The following MAP2K6 variants were observed in gnomAD, a reference collection of about 807,000 sequenced individuals.
MAP2K6 encodes the protein dual specificity mitogen-activated protein kinase kinase 6.
In MAP2K6, 16 loss-of-function variants were observed where a neutral mutation model predicts 53.7. That is an observed-to-expected ratio of 0.30 (90% confidence interval 0.20 to 0.45). The LOEUF is 0.45. MAP2K6 is among the 20% of genes least tolerant of loss of function. The pLI is 1.00. For missense variants in MAP2K6, 204 were observed against 411.9 expected (o/e 0.50, Z 4.37); for synonymous variants, 132 against 143.1 (o/e 0.92, Z 0.55).
intron 2 of MAP2K6, 73 bp from the exon 3 acceptor site, chr17:69,516,782 T>G (rs1159205107): frequency 9.4e-7 from 1 of 1,066,280 alleles, no homozygotes; most frequent in African/African-American, 1.9e-5. Context: ...ATATCCTCAG[T>G]GGTGTGTGAT....
chr17:69,509,753 T>C (rs1426219162), intron 2 of MAP2K6, among the ~76,000 whole-genome samples: 3 of 152,136 alleles, frequency 2.0e-5, no homozygotes, highest in Non-Finnish European at 4.4e-5. Context: ...TGAAGCGAAC[T>C]GTAGGTTTTT....
chr17:69,531,099 T>C (rs181890263), intron 10 of MAP2K6, among the ~76,000 whole-genome samples: 97 of 152,214 alleles, frequency 6.4e-4, no homozygotes, highest in African/African-American at 2.2e-3. Context: ...ATTTTTATTA[T>C]GTAGGCTATG....
chr17:69,491,845 C>T (rs111645175), intron 1 of MAP2K6, among the ~76,000 whole-genome samples: 5,425 of 149,998 alleles, frequency 0.036, 325 homozygotes, highest in East Asian at 0.14. Context: ...GATGTTATTT[C>T]ACCGTGGTTT....
At chr17:69,486,854 T>C (rs1908558624) in intron 1 of MAP2K6, among the ~76,000 whole-genome samples, 1 of 152,202 alleles carries the variant, frequency 6.6e-6, no homozygotes, top group Non-Finnish European at 1.5e-5. Flanking sequence ...GCTGGTGTGG[T>C]ACCCTTCTCA....
chr17:69,469,545 C>T (rs144379614), intron 1 of MAP2K6, among the ~76,000 whole-genome samples: 1,531 of 152,156 alleles, frequency 0.01, 14 homozygotes, highest in Middle Eastern at 0.017. Context: ...GGGCGGATCA[C>T]GAGATCAGGA....
At position 69,449,503 on chromosome 17, in the gene MAP2K6, T is replaced by TTCTTTCTTTCTTTG. The variant is rs1168249387; in HGVS notation, c.16+34531_16+34544dup. ...GTGTTGGTTGTCCTTTCTTTCTTTT[T>TTCTTTCTTTCTTTG]TCTTTCTTTCTTTGTCTTTCTTTCT... is the stretch of plus-strand genomic sequence containing the variant. On this transcript the variant is annotated intron_variant, in intron 1 of 11. Coordinates refer to ENST00000590474, the MANE Select transcript of MAP2K6 (RefSeq NM_002758.4). Among the ~76,000 whole-genome samples, 21 of 136,530 alleles carry TTCTTTCTTTCTTTG rather than the reference T, an allele frequency of 1.5e-4. No individual in the cohort carries two copies. In the South Asian group the frequency reaches 4.3e-3, roughly 28 times the overall value. The allele number at this position is 136,530 out of a possible 152,430, so 89.6% of individuals were successfully genotyped here.
At chr17:69,508,500 T>G (rs942246914) in intron 2 of MAP2K6, among the ~76,000 whole-genome samples, 6 of 152,228 alleles carry the variant, frequency 3.9e-5, no homozygotes, top group African/African-American at 1.2e-4. Flanking sequence ...ATTAGATACT[T>G]TTTATTGTTT....
intron 1 of MAP2K6, among the ~76,000 whole-genome samples, chr17:69,450,770 TATAA>T (rs1040630666): frequency 3.9e-5 from 6 of 151,928 alleles, no homozygotes; most frequent in Non-Finnish European, 5.9e-5. Context: ...TTACTAAAAA[TATAA>T]ATAAGACCCT....
intron 1 of MAP2K6, among the ~76,000 whole-genome samples, chr17:69,484,036 G>C (rs933020988): frequency 3.3e-5 from 5 of 151,970 alleles, no homozygotes; most frequent in Admixed American, 3.3e-4. Context: ...ATTTGTCAAC[G>C]ATTTCTTAGA....
At chr17:69,420,736 A>AT (rs1906051315) in intron 1 of MAP2K6, among the ~76,000 whole-genome samples, 3 of 104,786 alleles carry the variant, frequency 2.9e-5, no homozygotes, top group African/African-American at 4.5e-5. Context: ...ACATTTATAA[A>AT]ATTTTTTTTT....
intron 2 of MAP2K6, among the ~76,000 whole-genome samples, chr17:69,515,922 CAT>C (rs777707695): frequency 1.3e-5 from 2 of 152,120 alleles, no homozygotes; most frequent in Admixed American, 6.5e-5. Context: ...AATTGTGAGA[CAT>C]GTGGTGAAAT....
At chr17:69,537,268 T>C (rs980860090) in intron 11 of MAP2K6, among the ~76,000 whole-genome samples, 1 of 152,236 alleles carries the variant, frequency 6.6e-6, no homozygotes, top group Non-Finnish European at 1.5e-5. Flanking sequence ...AAATTCAGAC[T>C]ATTTGCTAAT....
At chr17:69,528,887 A>AAAAAAAG (rs530149092) in intron 10 of MAP2K6, among the ~76,000 whole-genome samples, 1 of 132,800 alleles carries the variant, frequency 7.5e-6, no homozygotes. Context: ...AAAAAAAAAA[A>AAAAAAAG]AGATGAGGCA....
chr17:69,427,095 C>G (rs1360576954), intron 1 of MAP2K6, among the ~76,000 whole-genome samples: 1 of 152,182 alleles, frequency 6.6e-6, no homozygotes, highest in Non-Finnish European at 1.5e-5. Context: ...CAACGTCTAG[C>G]TGGGTCAGGG....
rs532547180 is a variant in MAP2K6, at chr17:69,483,033, T to C, written c.17-22747T>C. Among the ~76,000 whole-genome samples, 3 of 151,954 alleles carry C rather than the reference T, an allele frequency of 2.0e-5. No individual in the cohort carries two copies. In the East Asian group the frequency reaches 5.8e-4, roughly 29 times the overall value. On this transcript the variant is annotated intron_variant, in intron 1 of 11. Coordinates refer to ENST00000590474, the MANE Select transcript of MAP2K6 (RefSeq NM_002758.4). ...GAGTCAAAGCAAAAATCAGAGGACATCTCCCATAGATCAGGAACAACATAA... is the reference window on the plus strand; with the variant it reads ...GAGTCAAAGCAAAAATCAGAGGACACCTCCCATAGATCAGGAACAACATAA...
intron 1 of MAP2K6, among the ~76,000 whole-genome samples, chr17:69,437,651 G>A (rs1906691708): frequency 1.3e-5 from 2 of 152,142 alleles, no homozygotes; most frequent in South Asian, 2.1e-4. Flanking sequence ...TATTCACAAG[G>A]TTGTGCAATC....
chr17:69,420,628 C>T (rs1325103950), intron 1 of MAP2K6, among the ~76,000 whole-genome samples: 1 of 152,192 alleles, frequency 6.6e-6, no homozygotes, highest in African/African-American at 2.4e-5. Context: ...AGTGACTTTC[C>T]TGAAGACAGT....
intron 2 of MAP2K6, among the ~76,000 whole-genome samples, chr17:69,510,342 G>T (rs1339970236): frequency 6.6e-6 from 1 of 152,088 alleles, no homozygotes. Context: ...TGCATTGTTG[G>T]ATTCGATTTG....
intron 1 of MAP2K6, among the ~76,000 whole-genome samples, chr17:69,504,308 C>G (rs925038704): frequency 1.3e-5 from 2 of 150,714 alleles, no homozygotes; most frequent in Non-Finnish European, 2.9e-5. Flanking sequence ...CAGAGTCTTG[C>G]ACTGTCGCCC....
Sources: gnomAD v4.1 joint callset for allele counts (sites outside exome capture counted in the v4.1 genomes callset) on GRCh38, gnomAD v4.1.1 for gene constraint, MANE v1.5 for transcripts, NCBI Gene and HGNC (gene_info 2026-07-23, HGNC 2026-07-21) for gene names.